DMXL1: variants seen among roughly 807,000 people sequenced by gnomAD.
DMXL1 encodes the protein dmX-like protein 1.
DMXL1 carries 99 observed loss-of-function variants against 319.2 expected under a neutral mutation model. The ratio of observed to expected loss-of-function variants is 0.31; its 90% CI spans 0.26 to 0.37. The LOEUF (loss-of-function observed/expected upper bound fraction) is 0.37. Ranked by LOEUF, DMXL1 falls within the 10% of genes least tolerant of loss-of-function variation. The pLI, the probability that DMXL1 is intolerant of heterozygous loss-of-function variation, is 1.00. For missense variants in DMXL1, 3,745 were observed against 3,595.6 expected (o/e 1.04, Z -1.06); for synonymous variants, 1,385 against 1,235.2 (o/e 1.12, Z -2.54).
chr5:119,127,905 T>C, intron 9 of DMXL1: 1 of 360,754 alleles, frequency 2.8e-6, no homozygotes, highest in South Asian at 2.5e-5. Flanking sequence ...GATATTCACT[T>C]TTTCAAGCAA....
chr5:119,154,817 G>T (rs1385271720), intron 19 of DMXL1: 1 of 152,282 alleles, frequency 6.6e-6, no homozygotes, highest in African/African-American at 2.4e-5. Flanking sequence ...TTCGTAGTTA[G>T]AGAGCAGTCA....
chr5:119,089,606 G>A (rs113675759), intron 1 of DMXL1, among the ~76,000 whole-genome samples: 4,435 of 142,668 alleles, frequency 0.031, 207 homozygotes, highest in African/African-American at 0.11. Context: ...TGTGCACAGC[G>A]ACTTCATTTT....
chr5:119,133,090 C>G (rs1022148226), intron 10 of DMXL1, 42 bp from the exon 11 acceptor site: 2 of 1,602,988 alleles, frequency 1.2e-6, no homozygotes, highest in Admixed American at 1.7e-5. Flanking sequence ...ATAGTAATAA[C>G]CTGTTTGTAT....
chr5:119,085,214 C>G (rs1026584606), intron 1 of DMXL1, among the ~76,000 whole-genome samples: 1 of 151,872 alleles, frequency 6.6e-6, no homozygotes, highest in African/African-American at 2.4e-5. Context: ...ACCTGTAGTC[C>G]TAGCTACTCG....
Position 119,133,935 on chromosome 5 carries a change from C to G in DMXL1, c.2011C>G (p.Gln671Glu), listed in dbSNP as rs766042690. ...LRTPDVDNPEQPFDALNIEEC... is the reference protein window; with the variant it reads ...LRTPDVDNPEEPFDALNIEEC... ...GACACCAGATGTTGATAACCCAGAG[C>G]AACCTTTTGATGCTCTAAATATTGA... The change falls in exon 12 of 44, where the codon CAA becomes GAA. Residue 671 changes from glutamine to glutamate, a missense_variant. This residue lies in a region of DMXL1 where 2,096 missense variants were observed against 1,985.4 expected (regional missense o/e 1.06). Transcript: ENST00000539542. 1.2e-6 allele frequency: 2 copies of G among 1,614,182 alleles called. No individual in the cohort carries two copies. The highest frequency in any genetic ancestry group is 1.7e-6 in the Non-Finnish European group (2 of 1,180,028).
rs1022551072 is a variant in DMXL1, at chr5:119,127,285, C to T, written c.1103-1926C>T. On this transcript the variant is annotated intron_variant, in intron 9 of 43. Transcript: ENST00000539542. The stretch of plus-strand genomic sequence containing the variant: ...TAGGATACTGCCTTCCTCTGACTCT[C>T]TTGCCATTAACTTCAATGGTAGTAT... 1.8e-5 allele frequency: 4 copies of T among 222,902 alleles called. 1 individual carries two copies. The highest frequency in any genetic ancestry group is 1.7e-4 in the Admixed American group (4 of 23,956). The allele number at this position is 222,902 out of a possible 1,614,324, so 13.8% of individuals were successfully genotyped here.
chr5:119,118,487 G>A (rs1761328965), intron 7 of DMXL1, among the ~76,000 whole-genome samples: 1 of 152,106 alleles, frequency 6.6e-6, no homozygotes, highest in African/African-American at 2.4e-5. Context: ...GCACACACCT[G>A]TAATCCCAGG....
intron 10 of DMXL1, among the ~76,000 whole-genome samples, chr5:119,129,742 C>T (rs1459250631): frequency 6.6e-6 from 1 of 152,190 alleles, no homozygotes; most frequent in African/African-American, 2.4e-5. Flanking sequence ...AAGGTCCACA[C>T]AGACCCACCA....
intron 19 of DMXL1, among the ~76,000 whole-genome samples, 183 bp from the exon 20 acceptor site, chr5:119,164,324 G>A (rs1561768366): frequency 1.3e-5 from 2 of 151,836 alleles, no homozygotes; most frequent in Non-Finnish European, 2.9e-5. Context: ...ACATATATGT[G>A]CTCATTGGAG....
intron 32 of DMXL1, among the ~76,000 whole-genome samples, chr5:119,200,639 G>C (rs766778817): frequency 2.0e-5 from 3 of 152,118 alleles, no homozygotes; most frequent in Non-Finnish European, 4.4e-5. Flanking sequence ...GAATAGCATT[G>C]AATCTGTAAA....
At chr5:119,128,194 A>T (rs942205676) in intron 9 of DMXL1, 6 of 438,946 alleles carry the variant, frequency 1.4e-5, no homozygotes, top group Admixed American at 8.2e-5. Flanking sequence ...GGTCTTTTTA[A>T]TTCTGTGAGA....
Position 119,216,896 on chromosome 5 carries a change from T to C in DMXL1, c.7927-5T>C, listed in dbSNP as rs746187941. 3.2e-6 allele frequency: 5 copies of C among 1,564,446 alleles called. No homozygotes were observed. The Admixed American group carries it at 8.7e-5, about 27-fold the overall frequency. ...CATTTTTGTGTTTTGTTTCCTTTTA[T>C]TTAGATAGAAGCAGATTTGGGATAT... On this transcript the variant is annotated splice_polypyrimidine_tract_variant and splice_region_variant and intron_variant, in intron 34 of 43. Coordinates refer to ENST00000539542, the MANE Select transcript of DMXL1 (RefSeq NM_001290321.3).
In DMXL1 at chr5:119,214,952, A is replaced by G. The variant is rs574509654; in HGVS notation, c.7927-1949A>G. ...GAGCCATCATCTTTCTCTGTCGCCA[A>G]TTTCTTCAAAACCTAAGAATGAACA... On this transcript the variant is annotated intron_variant, in intron 34 of 43. Transcript: ENST00000539542. 4.7e-4 allele frequency among the ~76,000 whole-genome samples: 71 copies of G among 152,256 alleles called. 1 individual carries two copies. The highest frequency in any genetic ancestry group is 1.6e-3 in the African/African-American group (68 of 41,554).
At chr5:119,187,001 C>T (rs193034070) in intron 28 of DMXL1, among the ~76,000 whole-genome samples, 1 of 151,968 alleles carries the variant, frequency 6.6e-6, no homozygotes. Flanking sequence ...GTGCAGCACA[C>T]CAACATGGCA....
intron 22 of DMXL1, 95 bp downstream of exon 22, chr5:119,166,876 G>A: frequency 3.0e-6 from 3 of 994,904 alleles, no homozygotes; most frequent in Non-Finnish European, 4.3e-6. Flanking sequence ...CAACTTTATT[G>A]GAAATAACAC....
chr5:119,104,112 T>A (rs1178582702), intron 3 of DMXL1: 1 of 152,246 alleles, frequency 6.6e-6, no homozygotes, highest in African/African-American at 2.4e-5. Flanking sequence ...TTTCCTTTTC[T>A]TTGTATATTA....
chr5:119,077,512 G>T (rs1477089605), intron 1 of DMXL1, among the ~76,000 whole-genome samples: 2 of 113,072 alleles, frequency 1.8e-5, no homozygotes, highest in Non-Finnish European at 3.4e-5. Flanking sequence ...TTTTAAGACA[G>T]GGTCTCACTC....
At chr5:119,120,644 A>C (rs1015888232) in intron 8 of DMXL1, among the ~76,000 whole-genome samples, 1 of 152,264 alleles carries the variant, frequency 6.6e-6, no homozygotes, top group Non-Finnish European at 1.5e-5. Context: ...AGTCACAAAC[A>C]ATAGTATTGG....
At position 119,197,859 on chromosome 5, in the gene DMXL1, A is replaced by T; in HGVS notation, c.7648A>T (p.Asn2550Tyr). The change falls in exon 32 of 44, where the codon AAT becomes TAT. Residue 2550 changes from asparagine (N) to tyrosine (Y), a missense_variant. By Grantham distance (143) the Asn-to-Tyr change is moderately radical (BLOSUM62 -2). This residue lies in a region of DMXL1 where 1,382 missense variants were observed against 1,269.5 expected (regional missense o/e 1.09). Transcript: ENST00000539542. ...RLEIHGGPPQ[N>Y]YIASHTAEES... The stretch of plus-strand genomic sequence containing the variant: ...TGAAATCCATGGTGGGCCACCTCAA[A>T]ATTATATCGCAAGTCATACCGCCGA... 1 of 1,614,120 alleles carries T rather than the reference A, an allele frequency of 6.2e-7. No individual in the cohort carries two copies. The highest frequency in any genetic ancestry group is 8.5e-7 in the Non-Finnish European group (1 of 1,180,004).
Sources: gnomAD v4.1 joint callset for allele counts (sites outside exome capture counted in the v4.1 genomes callset) on GRCh38, gnomAD v4.1.1 for gene constraint, gnomAD v4.1.1 regional missense constraint, MANE v1.5 for transcripts, NCBI Gene and HGNC (gene_info 2026-07-23, HGNC 2026-07-21) for gene names.